Variants in NUDC observed in about 807,000 individuals in gnomAD.
NUDC encodes nuclear migration protein nudC.
A neutral mutation model predicts 45.0 loss-of-function variants in NUDC; 14 were observed. That is an observed-to-expected ratio of 0.31 (90% CI 0.21 to 0.49). The LOEUF is 0.49. Among genes scored for constraint, NUDC ranks in the 20% least tolerant of loss-of-function variants. The pLI, the probability that NUDC is intolerant of heterozygous loss-of-function variation, is 0.99. For synonymous variants in NUDC, 153 were observed against 156.7 expected (o/e 0.98, Z 0.17); for missense variants, 323 against 426.2 (o/e 0.76, Z 2.13).
At chr1:26,911,144 T>A (rs1410807601) in exon 3 of NUDC, 3 of 470,822 alleles carry the variant, frequency 6.4e-6, no homozygotes, top group Non-Finnish European at 1.3e-5. Flanking sequence ...GGGAAGTGAA[T>A]GATCTCAAAC....
chr1:26,922,054 C>T (rs1346424390), intron 1 of NUDC, 125 bp downstream of exon 1: 2 of 984,242 alleles, frequency 2.0e-6, no homozygotes, highest in Non-Finnish European at 3.1e-6. Context: ...CCTACATTCT[C>T]ACTGCGCCCA....
chr1:26,913,515 G>A lies in NUDC; in HGVS notation c.93+2280G>A, dbSNP rs779114304. 1.1e-5 allele frequency: 17 copies of A among 1,613,318 alleles called. No individual in the cohort carries two copies. The Admixed American group carries it at 2.7e-4, about 25-fold the overall frequency. On this transcript the variant is annotated intron_variant, in intron 3 of 6. Transcript: ENST00000435827. ...ATTGAAGCCACTGCACCGCAGCCAGGGAGGGCTGGGGTCTGTCTGGCAGTT... is the reference window on the plus strand; with the variant it reads ...ATTGAAGCCACTGCACCGCAGCCAGAGAGGGCTGGGGTCTGTCTGGCAGTT...
intron 2 of NUDC, among the ~76,000 whole-genome samples, chr1:26,932,402 A>G (rs749063157): frequency 4.0e-5 from 6 of 151,632 alleles, no homozygotes; most frequent in Non-Finnish European, 5.9e-5. Flanking sequence ...ACCTGTCTTG[A>G]ACTCCTGACC....
intron 3 of NUDC, chr1:26,911,613 G>T: frequency 1.8e-6 from 1 of 563,686 alleles, no homozygotes. Context: ...CAGGAGTCTT[G>T]GCCCAGAGGC....
chr1:26,924,859 T>G (rs2082118452), intron 2 of NUDC, among the ~76,000 whole-genome samples: 1 of 151,016 alleles, frequency 6.6e-6, no homozygotes, highest in South Asian at 2.1e-4. Flanking sequence ...CCAGGAGGTT[T>G]TATTTTTACT....
At chr1:26,938,009 G>A (rs1227405657) in intron 2 of NUDC, among the ~76,000 whole-genome samples, 1 of 152,220 alleles carries the variant, frequency 6.6e-6, no homozygotes, top group East Asian at 1.9e-4. Context: ...AAAAGTATTT[G>A]AGAAGGCTGG....
chr1:26,902,051 G>C (rs1407950419), intron 1 of NUDC, among the ~76,000 whole-genome samples: 1 of 152,130 alleles, frequency 6.6e-6, no homozygotes, highest in Admixed American at 6.6e-5. Context: ...GAAAACTAAG[G>C]CTTAAGAAAT....
intron 3 of NUDC, among the ~76,000 whole-genome samples, chr1:26,912,277 A>G (rs1233981172): frequency 1.3e-5 from 2 of 152,104 alleles, no homozygotes; most frequent in South Asian, 2.1e-4. Flanking sequence ...TCATCCATCC[A>G]TTTATGAAGA....
At chr1:26,936,738 G>A (rs1167276018) in intron 2 of NUDC, among the ~76,000 whole-genome samples, 1 of 152,162 alleles carries the variant, frequency 6.6e-6, no homozygotes, top group Non-Finnish European at 1.5e-5. Flanking sequence ...TCCTGGCAAA[G>A]TTTCCCACAA....
At chr1:26,945,498 C>T in intron 7 of NUDC, 25 bp downstream of exon 7, 1 of 1,612,794 alleles carries the variant, frequency 6.2e-7, no homozygotes, top group Non-Finnish European at 8.5e-7. Context: ...GTTGGGGGAG[C>T]TTCAGCAGGA....
In NUDC at chr1:26,921,791, G is replaced by C. The variant is rs538918243; in HGVS notation, c.-58G>C. On this transcript the variant is annotated 5_prime_UTR_variant, in exon 1 of 9. Transcript: ENST00000321265. ...GTTGGGCCCGGCGCGACCCGCAGGA[G>C]CGTAGAGAGCGCGGGACTAGAGTGC... The C allele has an allele frequency of 1.4e-5, 21 of 1,516,790 alleles. No individual in the cohort carries two copies. Among genetic ancestry groups the C allele is most frequent in the Non-Finnish European group, 1.6e-5 (18 of 1,117,984 alleles). 94.0% of individuals were successfully genotyped at this position (1,516,790 alleles called of 1,614,324 possible).
At position 26,914,079 on chromosome 1, in the gene NUDC, CACAG is replaced by C. The variant is rs946683657; in HGVS notation, c.93+2848_93+2851del. The stretch of plus-strand genomic sequence containing the variant: ...GAAGTCATGTTCATTGAAAAAAACA[CACAG>C]ACATTGCCCCTGGCAGGAATGGTGG... On this transcript the variant is annotated intron_variant, in intron 3 of 6. Transcript: ENST00000435827. The C allele has an allele frequency of 4.4e-6, 3 of 677,030 alleles. No individual in the cohort carries two copies. The African/African-American group carries it at 5.6e-5, about 13-fold the overall frequency. 41.9% of individuals were successfully genotyped at this position (677,030 alleles called of 1,614,324 possible).
intron 2 of NUDC, among the ~76,000 whole-genome samples, chr1:26,909,138 C>T (rs1306883323): frequency 6.6e-6 from 1 of 152,050 alleles, no homozygotes; most frequent in African/African-American, 2.4e-5. Context: ...CCATGCCTGG[C>T]TAATTTTTGT....
chr1:26,920,512 A>G (rs1479948518), upstream of NUDC, among the ~76,000 whole-genome samples: 1 of 151,898 alleles, frequency 6.6e-6, no homozygotes, highest in Non-Finnish European at 1.5e-5. Context: ...AGACTAGAAT[A>G]TACTGTAGAG....
Position 26,932,572 on chromosome 1 carries a change from C to A in NUDC, c.159+8406C>A, listed in dbSNP as rs140922844. ...TCCAGGGCTCAAGTGATCTGCCTGA[C>A]TCGGCCTCCCAAAGTTCTAGGATAA... On this transcript the variant is annotated intron_variant, in intron 2 of 8. Transcript: ENST00000321265. 1.9e-3 allele frequency among the ~76,000 whole-genome samples: 290 copies of A among 152,212 alleles called. 5 individuals carry two copies. In the East Asian group the frequency reaches 0.049, roughly 26 times the overall value.
intron 2 of NUDC, among the ~76,000 whole-genome samples, chr1:26,910,525 G>A (rs1174317789): frequency 1.3e-5 from 2 of 152,306 alleles, no homozygotes; most frequent in South Asian, 2.1e-4. Flanking sequence ...CGCCTAGACT[G>A]TTATCCCCAA....
intron 2 of NUDC, among the ~76,000 whole-genome samples, chr1:26,932,305 T>C (rs1313245057): frequency 1.3e-5 from 2 of 151,758 alleles, no homozygotes; most frequent in African/African-American, 4.8e-5. Flanking sequence ...GCCTCCTGAG[T>C]AGCTGGGATT....
At chr1:26,935,633 GGATTATGGGA>G (rs1351269816) in intron 2 of NUDC, among the ~76,000 whole-genome samples, 1 of 151,852 alleles carries the variant, frequency 6.6e-6, no homozygotes, top group Admixed American at 6.6e-5. Context: ...TGACATGTGG[GGATTATGGGA>G]ACTACAATTC....
rs758317519 is a variant in NUDC at position 26,945,552 on chromosome 1, C to T, written c.826-16C>T. 1 of 1,612,162 alleles carries T rather than the reference C, an allele frequency of 6.2e-7. No homozygotes were observed. Among genetic ancestry groups the T allele is most frequent in the Non-Finnish European group, 8.5e-7 (1 of 1,178,290 alleles). ...TTTCCAGAGCTTCACCGATTCCTGTCACTGCCTGCCCTCAGCTGTCAGACC... is the reference window on the plus strand; with the variant it reads ...TTTCCAGAGCTTCACCGATTCCTGTTACTGCCTGCCCTCAGCTGTCAGACC... On this transcript the variant is annotated splice_polypyrimidine_tract_variant and intron_variant, in intron 7 of 8. Transcript: ENST00000321265.
Sources: allele counts gnomAD v4.1 joint callset (sites outside exome capture counted in the v4.1 genomes callset), GRCh38; gene constraint gnomAD v4.1.1; transcripts MANE v1.5; gene names NCBI Gene and HGNC (gene_info 2026-07-23, HGNC 2026-07-21).